PRKCA: variants seen among roughly 807,000 people sequenced by gnomAD.
PRKCA encodes protein kinase C alpha type.
PRKCA carries 27 observed loss-of-function variants against 87.0 expected under a neutral mutation model. The observed-to-expected ratio is 0.31, with a 90% CI of 0.23 to 0.43. The LOEUF (loss-of-function observed/expected upper bound fraction) is 0.43, where lower values mean the gene tolerates loss of function less well. Ranked by LOEUF, PRKCA falls within the 20% of genes least tolerant of loss-of-function variation. PRKCA has a pLI of 1.00. For missense variants in PRKCA, 518 were observed against 852.3 expected (o/e 0.61, Z 4.88); for synonymous variants, 329 against 311.1 (o/e 1.06, Z -0.61).
chr17:66,604,865 T>G (rs764473893), intron 3 of PRKCA, among the ~76,000 whole-genome samples: 2 of 152,006 alleles, frequency 1.3e-5, no homozygotes, highest in Non-Finnish European at 2.9e-5. Flanking sequence ...GAGACTGGAC[T>G]TGGGGGTGCG....
rs578145196 is a variant in PRKCA, at chr17:66,352,236, C to T, written c.205+46109C>T. On this transcript the variant is annotated intron_variant, in intron 2 of 16. Coordinates refer to ENST00000413366, the MANE Select transcript of PRKCA (RefSeq NM_002737.3). ...AAAACTCAGAGCAAGCCATAGGGTC[C>T]GGACAGTACCCTATTTCCTTTATTT... 2.6e-4 allele frequency among the ~76,000 whole-genome samples: 40 copies of T among 152,256 alleles called. 1 individual carries two copies. The highest frequency in any genetic ancestry group is 7.7e-4 in the African/African-American group (32 of 41,552).
intron 2 of PRKCA, among the ~76,000 whole-genome samples, chr17:66,471,939 GAC>G (rs1441029525): frequency 6.6e-6 from 1 of 152,096 alleles, no homozygotes; most frequent in Non-Finnish European, 1.5e-5. Flanking sequence ...TTCAAAATTT[GAC>G]CAATCAGTTT....
intron 2 of PRKCA, among the ~76,000 whole-genome samples, chr17:66,443,963 T>C (rs1263978886): frequency 3.3e-5 from 5 of 152,130 alleles, no homozygotes; most frequent in African/African-American, 1.2e-4. Context: ...CTGGGCAGAC[T>C]TGAGTTGAGA....
In PRKCA at chr17:66,481,964, G is replaced by A. The variant is rs192887511; in HGVS notation, c.206-14237G>A. On this transcript the variant is annotated intron_variant, in intron 2 of 16. Transcript: ENST00000413366. ...AAAAATACAAAAATTAGCTGGGTGCGGTGGTGGGCACCTGTAATCCCAGCT... is the reference window on the plus strand; with the variant it reads ...AAAAATACAAAAATTAGCTGGGTGCAGTGGTGGGCACCTGTAATCCCAGCT... 3.0e-3 allele frequency among the ~76,000 whole-genome samples: 452 copies of A among 151,922 alleles called. 3 individuals are homozygous for A. The highest frequency in any genetic ancestry group is 0.01 in the African/African-American group (416 of 41,442).
intron 5 of PRKCA, among the ~76,000 whole-genome samples, chr17:66,647,037 T>G (rs1190120017): frequency 6.6e-6 from 1 of 152,222 alleles, no homozygotes; most frequent in African/African-American, 2.4e-5. Context: ...GTCCTTGGAA[T>G]CCCTGCCCTT....
chr17:66,642,261 C>T (rs1002623820), intron 4 of PRKCA, among the ~76,000 whole-genome samples: 1 of 152,068 alleles, frequency 6.6e-6, no homozygotes, highest in Non-Finnish European at 1.5e-5. Flanking sequence ...TCCCGAGTAG[C>T]TGGGACTACA....
At chr17:66,630,657 G>A (rs1027159218) in intron 3 of PRKCA, among the ~76,000 whole-genome samples, 1 of 152,220 alleles carries the variant, frequency 6.6e-6, no homozygotes, top group Admixed American at 6.5e-5. Flanking sequence ...TATAACATGA[G>A]TGAGAAATAA....
intron 2 of PRKCA, among the ~76,000 whole-genome samples, chr17:66,480,211 G>A (rs797001612): frequency 4.6e-5 from 7 of 152,000 alleles, no homozygotes; most frequent in Non-Finnish European, 8.8e-5. Flanking sequence ...CCTTTGTCTC[G>A]TGTTTTTCCC....
chr17:66,534,709 T>C (rs2143072198), intron 3 of PRKCA, among the ~76,000 whole-genome samples: 1 of 152,210 alleles, frequency 6.6e-6, no homozygotes, highest in African/African-American at 2.4e-5. Context: ...TCTTTCTGAA[T>C]GTTGGGGCCC....
chr17:66,770,574 C>T (rs1333481943), intron 13 of PRKCA, among the ~76,000 whole-genome samples: 1 of 152,212 alleles, frequency 6.6e-6, no homozygotes, highest in East Asian at 1.9e-4. Context: ...CAGCAATGCC[C>T]CCTGACTGGC....
intron 14 of PRKCA, among the ~76,000 whole-genome samples, chr17:66,781,793 A>G (rs1192250913): frequency 6.6e-6 from 1 of 151,604 alleles, no homozygotes; most frequent in Non-Finnish European, 1.5e-5. Context: ...AGAAACATGA[A>G]CGTACTTAAT....
At chr17:66,321,916 T>C (rs1413909167) in intron 2 of PRKCA, among the ~76,000 whole-genome samples, 1 of 152,230 alleles carries the variant, frequency 6.6e-6, no homozygotes. Context: ...AGACTCATGC[T>C]ATCCACATCC....
intron 5 of PRKCA, among the ~76,000 whole-genome samples, chr17:66,680,511 G>T (rs1432586668): frequency 1.3e-5 from 2 of 152,216 alleles, no homozygotes; most frequent in Non-Finnish European, 2.9e-5. Flanking sequence ...AAGCAAAACA[G>T]ATCATTTGGA....
intron 2 of PRKCA, among the ~76,000 whole-genome samples, chr17:66,483,210 G>A (rs1481840208): frequency 2.0e-5 from 3 of 152,144 alleles, no homozygotes; most frequent in African/African-American, 4.8e-5. Context: ...ACCACAAACC[G>A]GGCAGCTTAA....
At position 66,482,357 on chromosome 17, in the gene PRKCA, T is replaced by C. The variant is rs543311484; in HGVS notation, c.206-13844T>C. Among the ~76,000 whole-genome samples the C allele has an allele frequency of 9.2e-5, 14 of 152,274 alleles. No homozygotes were observed. The South Asian group carries it at 2.7e-3, about 29-fold the overall frequency. On this transcript the variant is annotated intron_variant, in intron 2 of 16. Transcript: ENST00000413366. ...GAAGAACAGAGGTAAGGAAGAATCATGAGCTCACTCGCTGCTCACCCCTTC... is the reference window on the plus strand; with the variant it reads ...GAAGAACAGAGGTAAGGAAGAATCACGAGCTCACTCGCTGCTCACCCCTTC...
chr17:66,388,139 G>A (rs946717976), intron 2 of PRKCA, among the ~76,000 whole-genome samples: 2 of 152,148 alleles, frequency 1.3e-5, no homozygotes, highest in South Asian at 2.1e-4. Context: ...GCAGAGATCC[G>A]TGAGCCTGGA....
At chr17:66,419,828 T>C (rs1912383443) in intron 2 of PRKCA, among the ~76,000 whole-genome samples, 1 of 152,112 alleles carries the variant, frequency 6.6e-6, no homozygotes, top group Non-Finnish European at 1.5e-5. Context: ...TGGAGATTGA[T>C]GTCTTGGGGC....
chr17:66,670,098 T>TGA (rs1276441148), intron 5 of PRKCA, among the ~76,000 whole-genome samples: 1 of 152,180 alleles, frequency 6.6e-6, no homozygotes, highest in Non-Finnish European at 1.5e-5. Context: ...TGGCCCCAAA[T>TGA]TTCTCACCCA....
At chr17:66,517,463 T>C (rs1041834898) in intron 3 of PRKCA, among the ~76,000 whole-genome samples, 1 of 152,192 alleles carries the variant, frequency 6.6e-6, no homozygotes, top group Non-Finnish European at 1.5e-5. Context: ...TGTCTGCCCA[T>C]GCACTGTGGC....
Sources: gnomAD v4.1 joint callset for allele counts (sites outside exome capture counted in the v4.1 genomes callset) on GRCh38, gnomAD v4.1.1 for gene constraint, MANE v1.5 for transcripts, NCBI Gene and HGNC (gene_info 2026-07-23, HGNC 2026-07-21) for gene names.